Variants in DST observed in about 807,000 individuals in gnomAD.
The protein encoded by DST is bullous pemphigoid antigen.
In DST, 253 loss-of-function variants were observed where a neutral mutation model predicts 875.2. The ratio of observed to expected loss-of-function variants is 0.29; its 90% CI spans 0.26 to 0.32. The LOEUF is 0.32. DST is among the 10% of genes least tolerant of loss of function. The pLI is 1.00. For missense variants in DST, 8,287 were observed against 9,111.6 expected, an observed-to-expected ratio of 0.91 and a Z score of 3.68; for synonymous variants, 3,124 against 3,197.1, an observed-to-expected ratio of 0.98 and a Z score of 0.77.
chr6:56,860,215 T>C (rs549758172), intron 3 of DST, among the ~76,000 whole-genome samples: 139 of 152,270 alleles, frequency 9.1e-4, no homozygotes, highest in African/African-American at 3.2e-3. Context: ...TGGTGACATA[T>C]GACTTTGGAG....
At chr6:56,792,465 T>C (rs1284378800) in intron 4 of DST, among the ~76,000 whole-genome samples, 1 of 152,034 alleles carries the variant, frequency 6.6e-6, no homozygotes, top group African/African-American at 2.4e-5. Flanking sequence ...CTCAACTAAA[T>C]GATCGATTTT....
At chr6:56,783,224 T>C (rs549340657) in intron 4 of DST, among the ~76,000 whole-genome samples, 27 of 152,342 alleles carry the variant, frequency 1.8e-4, no homozygotes, top group African/African-American at 4.3e-4. Flanking sequence ...GAGAGTTCTG[T>C]AGATGTCTAT....
chr6:56,820,562 G>A (rs1248244044), intron 4 of DST, among the ~76,000 whole-genome samples: 3 of 152,092 alleles, frequency 2.0e-5, no homozygotes, highest in African/African-American at 4.8e-5. Context: ...TGGAAATATT[G>A]TATGATATAG....
At chr6:56,486,840 G>C (rs1331349986) in intron 87 of DST, among the ~76,000 whole-genome samples, 1 of 152,192 alleles carries the variant, frequency 6.6e-6, no homozygotes, top group Non-Finnish European at 1.5e-5. Flanking sequence ...GGGAAGACGA[G>C]TCAGAAGCAG....
chr6:56,776,512 G>T (rs1231391430), intron 4 of DST, among the ~76,000 whole-genome samples: 2 of 152,052 alleles, frequency 1.3e-5, no homozygotes, highest in African/African-American at 4.8e-5. Flanking sequence ...TTGGACACAG[G>T]GTGTTCAGGA....
Position 56,511,202 on chromosome 6 carries a change from T to G in DST, c.18775A>C (p.Thr6259Pro). Residue 6259 changes from threonine to proline, a missense_variant, in exon 73 of 104, where the codon ACT becomes CCT. Physicochemically the swap from Thr to Pro is conservative, Grantham distance 38. Transcript: ENST00000680361. Reference sequence around the variant, plus strand: ...TATCTAGTGTAAACAATTACCTGAGTTGATTGAGAAATGGCTTCATCCAGT... The same window carrying G: ...TATCTAGTGTAAACAATTACCTGAGGTGATTGAGAAATGGCTTCATCCAGT... ...VALDEAISQS[T>P]QFHDKIDQIL... 1 of 1,577,648 alleles carries G rather than the reference T, an allele frequency of 6.3e-7. No homozygotes were observed. The highest frequency in any genetic ancestry group is 8.6e-7 in the Non-Finnish European group (1 of 1,159,836).
chr6:56,483,928 CA>C (rs2095483863), intron 88 of DST: 1 of 152,168 alleles, frequency 6.6e-6, no homozygotes, highest in Non-Finnish European at 1.5e-5. Context: ...CATTCACACA[CA>C]CACAAGCACA....
At chr6:56,950,512 T>C (rs1469468487) in intron 2 of DST, among the ~76,000 whole-genome samples, 1 of 152,192 alleles carries the variant, frequency 6.6e-6, no homozygotes, top group Non-Finnish European at 1.5e-5. Flanking sequence ...TACCATTATT[T>C]AAAGTCACAG....
chr6:56,527,814 T>C, intron 67 of DST, 80 bp from the exon 68 acceptor site: 3 of 1,387,766 alleles, frequency 2.2e-6, no homozygotes, highest in Non-Finnish European at 2.9e-6. Flanking sequence ...TATGGAACAC[T>C]GATGAAATTT....
intron 2 of DST, among the ~76,000 whole-genome samples, chr6:56,925,338 A>G (rs936752526): frequency 3.3e-5 from 5 of 152,234 alleles, no homozygotes; most frequent in Admixed American, 6.5e-5. Context: ...TTTAAAAAAC[A>G]TACAGTCGAA....
chr6:56,822,163 T>C (rs1229737232), intron 4 of DST, among the ~76,000 whole-genome samples: 3 of 152,218 alleles, frequency 2.0e-5, no homozygotes, highest in African/African-American at 7.2e-5. Flanking sequence ...ACGGGATTTA[T>C]TCTCCACTGT....
At chr6:56,575,981 G>T (rs1005287225) in intron 50 of DST, among the ~76,000 whole-genome samples, 1 of 152,106 alleles carries the variant, frequency 6.6e-6, no homozygotes, top group African/African-American at 2.4e-5. Context: ...ATGTTGCCAG[G>T]GAATCAACCA....
intron 4 of DST, among the ~76,000 whole-genome samples, chr6:56,802,958 C>T (rs1022745583): frequency 3.3e-5 from 5 of 152,130 alleles, no homozygotes; most frequent in African/African-American, 7.2e-5. Flanking sequence ...GAATATCATA[C>T]ATTAAAAGAT....
chr6:56,875,866 T>C (rs989007237), intron 3 of DST, among the ~76,000 whole-genome samples: 5 of 152,200 alleles, frequency 3.3e-5, no homozygotes, highest in African/African-American at 1.2e-4. Flanking sequence ...TATCATCCTT[T>C]TGCTACTCTG....
chr6:56,487,240 C>T lies in DST; in HGVS notation c.20911G>A (p.Val6971Ile). ...FQKSLGAKHS[V>I]YDTTNRTGRS... ...CCAGTCCTGTTGGTGGTGTCGTAGA[C>T]AGAATGCTTGGCTCCGAGTGATTTC... Residue 6971 changes from valine to isoleucine, a missense_variant, in exon 87 of 104, where the codon GTC (valine) becomes ATC (isoleucine). This residue lies in a region of DST where 1,292 missense variants were observed against 1,552.7 expected (regional missense o/e 0.83). Coordinates refer to ENST00000680361, the MANE Select transcript of DST (RefSeq NM_001374736.1). 1 of 1,596,834 alleles carries T rather than the reference C, an allele frequency of 6.3e-7. No individual in the cohort carries two copies. Among genetic ancestry groups the T allele is most frequent in the Non-Finnish European group, 8.5e-7 (1 of 1,171,524 alleles).
intron 36 of DST, chr6:56,615,164 T>C: frequency 9.2e-7 from 1 of 1,091,204 alleles, no homozygotes; most frequent in Non-Finnish European, 1.1e-6. Flanking sequence ...CAATTTATCA[T>C]TTAATAAATG....
intron 4 of DST, among the ~76,000 whole-genome samples, chr6:56,796,813 G>A (rs559918301): frequency 2.0e-5 from 3 of 151,966 alleles, no homozygotes; most frequent in East Asian, 3.9e-4. Context: ...GAAGGAGAGA[G>A]AAAGGAAGGG....
rs185295709 is a variant in DST, at chr6:56,947,923, C to T, written c.216+5862G>A. Among the ~76,000 whole-genome samples the T allele has an allele frequency of 9.4e-3, 1,419 of 150,668 alleles. 23 individuals carry two copies. Among genetic ancestry groups the T allele is most frequent in the African/African-American group, 0.033 (1,340 of 40,934 alleles). On this transcript the variant is annotated intron_variant, in intron 2 of 103. Transcript: ENST00000680361. The stretch of plus-strand genomic sequence containing the variant: ...GCCTTAAACCATGAATAGTACTAAA[C>T]CCTATACATACTATGTTTTTTTCCT...
At position 56,477,480 on chromosome 6, in the gene DST, C is replaced by T; in HGVS notation, c.21540G>A (p.Met7180Ile). The T allele has an allele frequency of 6.2e-7, 1 of 1,613,932 alleles. No homozygotes were observed. The highest frequency in any genetic ancestry group is 8.5e-7 in the Non-Finnish European group (1 of 1,179,848). The part of the protein sequence containing the change: ...RTLIDQHKEF[M>I]KKLEEKRAEL... Reference sequence around the variant, plus strand: ...CAGCTCTCTTTTCTTCCAGTTTCTTCATGAATTCCTACAGCAGAAACAAAG... The same window carrying T: ...CAGCTCTCTTTTCTTCCAGTTTCTTTATGAATTCCTACAGCAGAAACAAAG... Residue 7180 changes from methionine to isoleucine, a missense_variant, in exon 91 of 104, where the codon ATG becomes ATA. Met to Ile is a conservative substitution (Grantham distance 10, BLOSUM62 1). This residue lies in a region of DST where 1,292 missense variants were observed against 1,552.7 expected (regional missense o/e 0.83). Transcript: ENST00000680361.
Sources: allele counts gnomAD v4.1 joint callset (sites outside exome capture counted in the v4.1 genomes callset), GRCh38; gene constraint gnomAD v4.1.1; regional missense constraint gnomAD v4.1.1; transcripts MANE v1.5; gene names NCBI Gene and HGNC (gene_info 2026-07-23, HGNC 2026-07-21).